Variants in SMG6 observed in about 807,000 individuals in gnomAD.
SMG6 encodes telomerase-binding protein EST1A.
A neutral mutation model predicts 142.2 loss-of-function variants in SMG6; 66 were observed. That is an observed-to-expected ratio of 0.46 (90% CI 0.38 to 0.57). SMG6 has a LOEUF of 0.57. Among genes scored for constraint, SMG6 ranks in the 20% least tolerant of loss-of-function variants. SMG6 has a pLI of 0.00. For missense variants in SMG6, 1,793 were observed against 1,832.0 expected (o/e 0.98, Z 0.39); for synonymous variants, 779 against 702.4 (o/e 1.11, Z -1.72).
chr17:2,298,717 TAAA>T (rs369010341), intron 2 of SMG6, among the ~76,000 whole-genome samples, 186 bp downstream of exon 2: 7 of 126,364 alleles, frequency 5.5e-5, no homozygotes, highest in South Asian at 2.5e-4. Context: ...GACTCCGTCT[TAAA>T]AAAAAAAAAA....
intron 13 of SMG6, among the ~76,000 whole-genome samples, chr17:2,156,119 G>A (rs1316826233): frequency 2.7e-5 from 4 of 149,224 alleles, no homozygotes; most frequent in Admixed American, 6.7e-5. Flanking sequence ...GCCGGGTGCC[G>A]TGGTTCACGC....
chr17:2,252,460 C>T (rs867487786), intron 8 of SMG6, among the ~76,000 whole-genome samples: 1 of 152,016 alleles, frequency 6.6e-6, no homozygotes. Flanking sequence ...GTATTTACTG[C>T]TCATGTGTTT....
At chr17:2,183,138 ATCAC>A in intron 12 of SMG6, among the ~76,000 whole-genome samples, 5 of 152,118 alleles carry the variant, frequency 3.3e-5, no homozygotes, top group African/African-American at 1.2e-4. Flanking sequence ...AGGTGGGAGA[ATCAC>A]CTGAGCCCAG....
rs571348988 is a variant in SMG6 at position 2,239,473 on chromosome 17, T to C, written c.2724-2836A>G. Among the ~76,000 whole-genome samples the C allele has an allele frequency of 7.9e-5, 12 of 152,308 alleles. No individual in the cohort carries two copies. In the East Asian group the frequency reaches 1.4e-3, roughly 17 times the overall value. ...TGATTAAGATGGAACATGCACACAA[T>C]TGAATACTAGTTTTTTTAAGTTGTA... On this transcript the variant is annotated intron_variant, in intron 9 of 18. Transcript: ENST00000263073.
At position 2,071,747 on chromosome 17, in the gene SMG6, G is replaced by C. The variant is rs960714802; in HGVS notation, c.3682-2816C>G. Among the ~76,000 whole-genome samples the C allele has an allele frequency of 2.6e-5, 4 of 152,116 alleles. No individual in the cohort carries two copies. Among genetic ancestry groups the C allele is most frequent in the Non-Finnish European group, 4.4e-5 (3 of 68,030 alleles). ...TACCGGTGGGCCTCTGGGCGGGGGG[G>C]GTCACACCTGGGTCACAAGACTGGC... On this transcript the variant is annotated intron_variant, in intron 15 of 18. Coordinates refer to ENST00000263073, the MANE Select transcript of SMG6 (RefSeq NM_017575.5). This position sits in a 1 kb window ranked among gnomAD's most constrained non-coding sequence, Gnocchi z 5.6.
intron 10 of SMG6, among the ~76,000 whole-genome samples, chr17:2,211,856 C>T (rs1427588667): frequency 3.9e-5 from 6 of 152,030 alleles, no homozygotes; most frequent in African/African-American, 1.5e-4. Flanking sequence ...CTGGGGATCC[C>T]CACATCCACA....
intron 13 of SMG6, chr17:2,088,748 G>C: frequency 1.0e-6 from 1 of 985,344 alleles, no homozygotes; most frequent in Non-Finnish European, 1.2e-6. Flanking sequence ...GAGAAACTGA[G>C]AGGCAGAATG....
intron 13 of SMG6, among the ~76,000 whole-genome samples, chr17:2,137,826 C>G (rs2070353886): frequency 6.6e-6 from 1 of 152,202 alleles, no homozygotes; most frequent in African/African-American, 2.4e-5. Context: ...GACCTTAGTA[C>G]AGAATCCAAA....
At chr17:2,287,367 G>A (rs191744649) in intron 6 of SMG6, among the ~76,000 whole-genome samples, 19 of 152,274 alleles carry the variant, frequency 1.2e-4, no homozygotes, top group Middle Eastern at 3.4e-3. Flanking sequence ...CCACCACTAC[G>A]ATGGCTACTA....
intron 8 of SMG6, among the ~76,000 whole-genome samples, chr17:2,256,592 A>G (rs2074185655): frequency 6.6e-6 from 1 of 152,112 alleles, no homozygotes; most frequent in South Asian, 2.1e-4. Context: ...GCAAAACTCC[A>G]TCTTTACAAA....
At chr17:2,196,248 CCT>C (rs997208986) in intron 10 of SMG6, among the ~76,000 whole-genome samples, 28 of 152,224 alleles carry the variant, frequency 1.8e-4, no homozygotes, top group Admixed American at 1.8e-3. Flanking sequence ...ATGGTGAAAC[CCT>C]GTTTCTACTA....
chr17:2,283,976 G>T (rs1299596758), intron 6 of SMG6, among the ~76,000 whole-genome samples: 1 of 152,186 alleles, frequency 6.6e-6, no homozygotes, highest in Non-Finnish European at 1.5e-5. Context: ...TACTCATAAG[G>T]AGAGAAAGGA....
chr17:2,080,073 T>TCAAAACAAAA (rs59094023), intron 15 of SMG6, among the ~76,000 whole-genome samples: 189 of 142,968 alleles, frequency 1.3e-3, no homozygotes, highest in East Asian at 2.0e-3. Flanking sequence ...AGACTCCATC[T>TCAAAACAAAA]CAAAACAAAA....
At chr17:2,112,916 CCTGA>C (rs1236990504) in intron 13 of SMG6, among the ~76,000 whole-genome samples, 3 of 151,716 alleles carry the variant, frequency 2.0e-5, no homozygotes, top group African/African-American at 7.3e-5. Flanking sequence ...CGTCACCATG[CCTGA>C]CTAATTTTTG....
At chr17:2,298,218 T>A (rs565713940) in intron 2 of SMG6, among the ~76,000 whole-genome samples, 163 bp from the exon 3 acceptor site, 1 of 152,350 alleles carries the variant, frequency 6.6e-6, no homozygotes, top group East Asian at 1.9e-4. Flanking sequence ...CAGAGCAGAA[T>A]GTCATTCTAA....
chr17:2,095,922 C>T (rs1178509884), intron 13 of SMG6, among the ~76,000 whole-genome samples: 1 of 151,602 alleles, frequency 6.6e-6, no homozygotes, highest in Admixed American at 6.6e-5. Flanking sequence ...CCAGGCAACC[C>T]CCTTTGCTAT....
intron 10 of SMG6, among the ~76,000 whole-genome samples, chr17:2,211,318 A>G (rs1387847711): frequency 6.6e-6 from 1 of 152,106 alleles, no homozygotes; most frequent in Non-Finnish European, 1.5e-5. Flanking sequence ...TACTGACTTG[A>G]AGGAAAATAA....
intron 13 of SMG6, among the ~76,000 whole-genome samples, chr17:2,121,583 C>G (rs56092218): frequency 1.0e-4 from 12 of 118,200 alleles, no homozygotes; most frequent in Admixed American, 2.7e-4. Context: ...ATGTACATGT[C>G]TGTCTGTGTG....
intron 8 of SMG6, chr17:2,280,622 T>G: frequency 2.0e-6 from 2 of 983,372 alleles, no homozygotes; most frequent in Non-Finnish European, 2.4e-6. Flanking sequence ...AACTCAAAGA[T>G]TTAAATTTAA....
Sources: gnomAD v4.1 joint callset for allele counts (sites outside exome capture counted in the v4.1 genomes callset) on GRCh38, gnomAD v4.1.1 for gene constraint, Gnocchi (gnomAD v3.1) non-coding constraint, MANE v1.5 for transcripts, NCBI Gene and HGNC (gene_info 2026-07-23, HGNC 2026-07-21) for gene names.